The following NALCN variants were observed in gnomAD, a reference collection of about 807,000 sequenced individuals.
NALCN encodes the protein sodium leak channel NALCN.
Under a neutral mutation model 225.3 loss-of-function variants are expected in NALCN, and 111 were observed. The observed-to-expected ratio is 0.49, with a 90% CI of 0.42 to 0.58. NALCN has a LOEUF of 0.58. NALCN is among the 20% of genes least tolerant of loss of function. The probability of loss-of-function intolerance (pLI) is 0.00; values close to 1 mark genes in which losing one functional copy is unlikely to be tolerated. For missense variants in NALCN, 1,378 were observed against 2,202.4 expected (o/e 0.63, Z 7.49); for synonymous variants, 764 against 769.0 (o/e 0.99, Z 0.11).
At chr13:101,163,914 G>A (rs533414328) in intron 15 of NALCN, among the ~76,000 whole-genome samples, 1 of 152,156 alleles carries the variant, frequency 6.6e-6, no homozygotes, top group Non-Finnish European at 1.5e-5. Context: ...GACTTTTCCA[G>A]CTGCTTGTGA....
intron 13 of NALCN, among the ~76,000 whole-genome samples, chr13:101,206,914 A>C (rs572898247): frequency 5.3e-5 from 8 of 152,190 alleles, no homozygotes; most frequent in Non-Finnish European, 1.2e-4. Context: ...CTCATGACTT[A>C]CATCACTAAT....
At chr13:101,077,323 C>T (rs1176724247) in intron 34 of NALCN, among the ~76,000 whole-genome samples, 7 of 152,162 alleles carry the variant, frequency 4.6e-5, no homozygotes, top group Admixed American at 6.5e-5. Context: ...AATGTGGAAG[C>T]GACTTTGGAA....
At chr13:101,376,866 C>CA (rs1415606417) in intron 5 of NALCN, 38 bp from the exon 6 acceptor site, 1 of 1,612,540 alleles carries the variant, frequency 6.2e-7, no homozygotes, top group South Asian at 1.1e-5. Context: ...ATAAAACTTA[C>CA]AAAAAACTTC....
intron 10 of NALCN, among the ~76,000 whole-genome samples, chr13:101,265,488 C>T (rs903859332): frequency 6.6e-6 from 1 of 152,138 alleles, no homozygotes; most frequent in Non-Finnish European, 1.5e-5. Flanking sequence ...CTGAGTCCTG[C>T]CATGAAAGCA....
intron 6 of NALCN, among the ~76,000 whole-genome samples, chr13:101,362,718 TAC>T (rs1415594039): frequency 6.6e-6 from 1 of 152,030 alleles, no homozygotes; most frequent in Non-Finnish European, 1.5e-5. Context: ...TTATTCAACA[TAC>T]TACTGGAAGT....
chr13:101,312,400 T>C (rs1486726009), intron 7 of NALCN, among the ~76,000 whole-genome samples: 57 of 152,148 alleles, frequency 3.7e-4, no homozygotes, highest in Non-Finnish European at 7.9e-4. Context: ...TGCCTTCTGC[T>C]AGCTTTTGAA....
At chr13:101,411,853 T>C (rs892117369) in intron 1 of NALCN, among the ~76,000 whole-genome samples, 2 of 152,188 alleles carry the variant, frequency 1.3e-5, no homozygotes, top group African/African-American at 4.8e-5. Flanking sequence ...GCCTAGTATG[T>C]ATTTCTTCAC....
chr13:101,129,775 G>A (rs963342267), intron 17 of NALCN, among the ~76,000 whole-genome samples: 1 of 150,912 alleles, frequency 6.6e-6, no homozygotes, highest in Non-Finnish European at 1.5e-5. Context: ...AGAACGTGCA[G>A]GTTTGTTACG....
At chr13:101,387,252 A>AAAAAAAAAAAAAAT (rs58578868) in intron 3 of NALCN, among the ~76,000 whole-genome samples, 1 of 116,778 alleles carries the variant, frequency 8.6e-6, no homozygotes. Context: ...AAAAAAAAAA[A>AAAAAAAAAAAAAAT]AACAGGTTAG....
At chr13:101,169,445 T>C (rs7327781) in intron 15 of NALCN, among the ~76,000 whole-genome samples, 36,709 of 152,172 alleles carry the variant, frequency 0.24, 5,213 homozygotes, top group Non-Finnish European at 0.32. Context: ...GTTTGCTGCA[T>C]CTATCAAACC....
At chr13:101,119,537 A>C (rs941422402) in intron 18 of NALCN, among the ~76,000 whole-genome samples, 1 of 152,242 alleles carries the variant, frequency 6.6e-6, no homozygotes, top group African/African-American at 2.4e-5. Context: ...AAAATGTTTA[A>C]TTGTTTTATT....
chr13:101,287,347 G>A (rs1306172593), intron 9 of NALCN, among the ~76,000 whole-genome samples: 1 of 152,194 alleles, frequency 6.6e-6, no homozygotes, highest in Admixed American at 6.5e-5. Context: ...CATGTTGACA[G>A]CAGGGCTTGT....
chr13:101,302,226 A>G (rs2043999145), intron 7 of NALCN, among the ~76,000 whole-genome samples: 1 of 152,194 alleles, frequency 6.6e-6, no homozygotes, highest in African/African-American at 2.4e-5. Context: ...ATCATCATAC[A>G]TATTCAATAA....
At chr13:101,345,737 A>AATATATATATAT (rs10560892) in intron 6 of NALCN, among the ~76,000 whole-genome samples, 925 of 86,454 alleles carry the variant, frequency 0.011, 11 homozygotes, top group African/African-American at 0.018. Flanking sequence ...CAGCAAAGAG[A>AATATATATATAT]ATATATATAT....
chr13:101,404,555 G>T (rs2047563805), intron 1 of NALCN, among the ~76,000 whole-genome samples: 1 of 151,218 alleles, frequency 6.6e-6, no homozygotes, highest in African/African-American at 2.4e-5. Context: ...CGAACAAGGG[G>T]CTGCAGATGA....
intron 13 of NALCN, among the ~76,000 whole-genome samples, chr13:101,201,410 T>C (rs2040117095): frequency 6.6e-6 from 1 of 152,166 alleles, no homozygotes; most frequent in Non-Finnish European, 1.5e-5. Context: ...TTTTGTACTC[T>C]GGATATTTTC....
rs570149342 is a variant in NALCN at position 101,280,716 on chromosome 13, C to A, written c.1134+3217G>T. ...TGGGGCTAGGAGCCATAAGACCCAG[C>A]CATTAGTCCTGGGTTCTCCCTCTGG... On this transcript the variant is annotated intron_variant, in intron 10 of 43. Transcript: ENST00000251127. 2.0e-5 allele frequency among the ~76,000 whole-genome samples: 3 copies of A among 152,176 alleles called. No homozygotes were observed. The South Asian group carries it at 6.2e-4, about 32-fold the overall frequency.
intron 30 of NALCN, among the ~76,000 whole-genome samples, chr13:101,088,541 C>T (rs935527002): frequency 1.3e-5 from 2 of 152,092 alleles, no homozygotes; most frequent in African/African-American, 4.8e-5. Flanking sequence ...CCTTATAAGC[C>T]CCAGACTAGT....
intron 13 of NALCN, among the ~76,000 whole-genome samples, chr13:101,206,470 C>T (rs904695093): frequency 1.3e-5 from 2 of 151,844 alleles, no homozygotes; most frequent in African/African-American, 2.4e-5. Flanking sequence ...AAGTCAAAAA[C>T]CTAAATTAGT....
Sources: gnomAD v4.1 joint callset for allele counts (sites outside exome capture counted in the v4.1 genomes callset) on GRCh38, gnomAD v4.1.1 for gene constraint, MANE v1.5 for transcripts, NCBI Gene and HGNC (gene_info 2026-07-23, HGNC 2026-07-21) for gene names.